The following DPYD variants were observed in gnomAD, a reference collection of about 807,000 sequenced individuals.
DPYD encodes dihydropyrimidine dehydrogenase.
DPYD carries 109 observed loss-of-function variants against 116.2 expected under a neutral mutation model. The observed-to-expected ratio is 0.94, with a 90% CI of 0.80 to 1.10. The LOEUF is 1.10. Among genes scored for constraint, DPYD ranks in the 50% least tolerant of loss-of-function variants. The probability of loss-of-function intolerance (pLI) is 0.00; values close to 1 mark genes in which losing one functional copy is unlikely to be tolerated. For missense variants in DPYD, 1,302 were observed against 1,254.5 expected, an observed-to-expected ratio of 1.04 and a Z score of -0.57; for synonymous variants, 440 against 432.0, an observed-to-expected ratio of 1.02 and a Z score of -0.23.
intron 18 of DPYD, among the ~76,000 whole-genome samples, chr1:97,251,391 TAAAAAAAAAAAAA>T: frequency 1.0e-5 from 1 of 95,366 alleles, no homozygotes; most frequent in Middle Eastern, 5.9e-3. Context: ...AAACTCTGTC[TAAAAAAAAAAAAA>T]AAAAAAAAAG....
chr1:97,478,052 A>C (rs1461681462), intron 13 of DPYD, among the ~76,000 whole-genome samples: 1 of 152,200 alleles, frequency 6.6e-6, no homozygotes, highest in African/African-American at 2.4e-5. Context: ...AAATTACTCC[A>C]TGATCCATTG....
At chr1:97,253,705 G>A (rs1334008994) in intron 18 of DPYD, among the ~76,000 whole-genome samples, 1 of 152,062 alleles carries the variant, frequency 6.6e-6, no homozygotes, top group Non-Finnish European at 1.5e-5. Context: ...TAGAGACAGG[G>A]TAAATTGGAT....
At chr1:97,287,405 G>C (rs576988711) in intron 18 of DPYD, among the ~76,000 whole-genome samples, 1 of 152,178 alleles carries the variant, frequency 6.6e-6, no homozygotes, top group African/African-American at 2.4e-5. Context: ...GAGGCAGTCT[G>C]CCCCTTCTCA....
chr1:97,558,534 A>C (rs923925416), intron 11 of DPYD, among the ~76,000 whole-genome samples: 2 of 152,138 alleles, frequency 1.3e-5, no homozygotes, highest in Admixed American at 6.6e-5. Context: ...CTTTTGATCA[A>C]TTTAAATATC....
At chr1:97,718,176 T>C (rs913821773) in intron 5 of DPYD, among the ~76,000 whole-genome samples, 3 of 152,040 alleles carry the variant, frequency 2.0e-5, no homozygotes, top group African/African-American at 7.2e-5. Flanking sequence ...AGGAGTAAGG[T>C]GGTAGTGCAT....
At chr1:97,422,896 C>G (rs995365840) in intron 14 of DPYD, among the ~76,000 whole-genome samples, 1 of 151,748 alleles carries the variant, frequency 6.6e-6, no homozygotes, top group African/African-American at 2.4e-5. Context: ...TACAGTTCAC[C>G]CTTTCAGGCA....
intron 18 of DPYD, among the ~76,000 whole-genome samples, chr1:97,255,307 T>C (rs1663375125): frequency 6.6e-6 from 1 of 152,254 alleles, no homozygotes; most frequent in South Asian, 2.1e-4. Flanking sequence ...TTAAGTAATT[T>C]AATCTTCACA....
intron 20 of DPYD, among the ~76,000 whole-genome samples, chr1:97,102,657 T>C (rs1466267152): frequency 2.0e-5 from 3 of 151,856 alleles, no homozygotes; most frequent in East Asian, 3.9e-4. Flanking sequence ...TTGACATTTA[T>C]TCAACAAATA....
At chr1:97,209,123 T>C (rs914104390) in intron 19 of DPYD, among the ~76,000 whole-genome samples, 10 of 152,270 alleles carry the variant, frequency 6.6e-5, no homozygotes, top group East Asian at 3.9e-4. Flanking sequence ...TGACTTTCAA[T>C]TGTTATGCTT....
intron 1 of DPYD, among the ~76,000 whole-genome samples, chr1:97,885,285 GACC>G (rs1672425949): frequency 6.6e-6 from 1 of 151,446 alleles, no homozygotes; most frequent in African/African-American, 2.4e-5. Context: ...CTATCAAAAA[GACC>G]ACAATAAATG....
chr1:97,759,140 T>C lies in DPYD; in HGVS notation c.234-18661A>G, dbSNP rs188092202. 7.2e-5 allele frequency among the ~76,000 whole-genome samples: 11 copies of C among 152,326 alleles called. No individual in the cohort carries two copies. The East Asian group carries it at 2.1e-3, about 29-fold the overall frequency. On this transcript the variant is annotated intron_variant, in intron 3 of 22. Coordinates refer to ENST00000370192, the MANE Select transcript of DPYD (RefSeq NM_000110.4). ...CTGTGGGACTAAATTTTTTGGCTTG[T>C]GTTTTGCTTACTTGCTGCCCAGTCT...
chr1:97,638,789 C>A (rs984922104), intron 8 of DPYD, among the ~76,000 whole-genome samples: 3 of 151,934 alleles, frequency 2.0e-5, no homozygotes, highest in Non-Finnish European at 4.4e-5. Flanking sequence ...TCTTAAAAAC[C>A]AGGTCTCATG....
chr1:97,276,880 T>C (rs1161954679), intron 18 of DPYD, among the ~76,000 whole-genome samples: 2 of 152,070 alleles, frequency 1.3e-5, no homozygotes, highest in Admixed American at 1.3e-4. Flanking sequence ...GGAAATAAAT[T>C]GTTCTACCAA....
chr1:97,595,219 T>C, intron 8 of DPYD, 53 bp from the exon 9 acceptor site: 1 of 1,440,060 alleles, frequency 6.9e-7, no homozygotes, highest in South Asian at 1.2e-5. Context: ...GCTTTTCCTA[T>C]TAGATATTAA....
intron 18 of DPYD, among the ~76,000 whole-genome samples, chr1:97,289,668 G>C (rs1665993540): frequency 6.6e-6 from 1 of 152,112 alleles, no homozygotes; most frequent in Admixed American, 6.5e-5. Flanking sequence ...CAATAAATTA[G>C]GTATTGATGG....
chr1:97,610,499 C>G lies in DPYD; in HGVS notation c.851-15333G>C, dbSNP rs1230235121. ...AGTGGGAATGAAAGATTTAATTCAA[C>G]TGGCATTTCAGGAAAGAACACATCT... On this transcript the variant is annotated intron_variant, in intron 8 of 22. Coordinates refer to ENST00000370192, the MANE Select transcript of DPYD (RefSeq NM_000110.4). 3.9e-5 allele frequency among the ~76,000 whole-genome samples: 6 copies of G among 152,196 alleles called. No individual in the cohort carries two copies. In the East Asian group the frequency reaches 1.2e-3, roughly 29 times the overall value.
chr1:97,374,219 G>A (rs1321081691), intron 15 of DPYD, among the ~76,000 whole-genome samples: 1 of 152,132 alleles, frequency 6.6e-6, no homozygotes, highest in African/African-American at 2.4e-5. Context: ...AAAACAGTTT[G>A]TCTAAGAAAT....
intron 8 of DPYD, among the ~76,000 whole-genome samples, chr1:97,606,998 C>T (rs757021485): frequency 6.6e-6 from 1 of 151,780 alleles, no homozygotes; most frequent in Non-Finnish European, 1.5e-5. Context: ...TGTAGAGAGA[C>T]TGAAAAATGA....
At chr1:97,657,692 G>T (rs185469463) in intron 8 of DPYD, among the ~76,000 whole-genome samples, 1 of 152,090 alleles carries the variant, frequency 6.6e-6, no homozygotes, top group Non-Finnish European at 1.5e-5. Flanking sequence ...AACCACGGGC[G>T]TCTAGAAATA....
Sources: gnomAD v4.1 joint callset for allele counts (sites outside exome capture counted in the v4.1 genomes callset) on GRCh38, gnomAD v4.1.1 for gene constraint, MANE v1.5 for transcripts, NCBI Gene and HGNC (gene_info 2026-07-23, HGNC 2026-07-21) for gene names.